HSDL2: variants seen among roughly 807,000 people sequenced by gnomAD.
HSDL2 encodes hydroxysteroid dehydrogenase-like protein 2.
A neutral mutation model predicts 46.3 loss-of-function variants in HSDL2; 27 were observed. That is an observed-to-expected ratio of 0.58 (90% CI 0.43 to 0.80). HSDL2 has a LOEUF of 0.80. Among genes scored for constraint, HSDL2 ranks in the 30% least tolerant of loss-of-function variants. The pLI, the probability that HSDL2 is intolerant of heterozygous loss-of-function variation, is 0.00. For synonymous variants in HSDL2, 153 were observed against 163.6 expected (o/e 0.94, Z 0.50); for missense variants, 451 against 502.7 (o/e 0.90, Z 0.98).
At chr9:112,397,957 C>T (rs529432128) in intron 1 of HSDL2, among the ~76,000 whole-genome samples, 2 of 152,266 alleles carry the variant, frequency 1.3e-5, no homozygotes, top group African/African-American at 4.8e-5. Flanking sequence ...GCCGACACCT[C>T]TAATCCACTT....
chr9:112,448,468 A>G (rs1056958863), intron 8 of HSDL2, among the ~76,000 whole-genome samples: 43 of 152,280 alleles, frequency 2.8e-4, no homozygotes, highest in Non-Finnish European at 6.0e-4. Context: ...TACATTTTAA[A>G]TATGGTAAAT....
intron 9 of HSDL2, among the ~76,000 whole-genome samples, chr9:112,457,386 G>C (rs1049534845): frequency 6.6e-5 from 10 of 152,050 alleles, no homozygotes; most frequent in Non-Finnish European, 2.9e-5. Flanking sequence ...AATTTTAAAC[G>C]TTGCCTGTAA....
At chr9:112,444,673 G>A (rs1832710637) in intron 8 of HSDL2, among the ~76,000 whole-genome samples, 1 of 151,546 alleles carries the variant, frequency 6.6e-6, no homozygotes, top group Non-Finnish European at 1.5e-5. Flanking sequence ...AGGAGTTTGA[G>A]GTTGTAATGA....
intron 4 of HSDL2, among the ~76,000 whole-genome samples, chr9:112,414,251 A>G (rs1163467974): frequency 1.3e-5 from 2 of 152,178 alleles, no homozygotes; most frequent in East Asian, 1.9e-4. Context: ...ATTTATTCCT[A>G]ATTAGACAGG....
intron 10 of HSDL2, among the ~76,000 whole-genome samples, chr9:112,462,172 C>T (rs1047195824): frequency 1.3e-5 from 2 of 152,022 alleles, no homozygotes; most frequent in Non-Finnish European, 2.9e-5. Context: ...ATTATAAATA[C>T]AAAAATTTAG....
At chr9:112,399,282 A>G (rs1028059142) in intron 1 of HSDL2, among the ~76,000 whole-genome samples, 1 of 152,178 alleles carries the variant, frequency 6.6e-6, no homozygotes, top group Non-Finnish European at 1.5e-5. Context: ...AAAGGTTTCA[A>G]AAGGGGAGGG....
At position 112,441,716 on chromosome 9, in the gene HSDL2, G is replaced by T; in HGVS notation, c.811G>T (p.Asp271Tyr). The T allele has an allele frequency of 6.2e-7, 1 of 1,612,882 alleles. No homozygotes were observed. Among genetic ancestry groups the T allele is most frequent in the South Asian group, 1.1e-5 (1 of 91,038 alleles). ...AIKPGHPLQP[D>Y]FFLDEYPEAV... ...TTTTTCAGGTCATCCTTTGCAACCA[G>T]ATTTCTTCTTAGATGAATACCCAGA... The change falls in exon 8 of 11, where the codon GAT becomes TAT. Residue 271 changes from aspartate (D) to tyrosine (Y), a missense_variant. Physicochemically the swap from Asp to Tyr is radical, Grantham distance 160. Coordinates refer to ENST00000398805, the MANE Select transcript of HSDL2 (RefSeq NM_032303.5).
At chr9:112,454,372 G>A (rs1832964299) in intron 9 of HSDL2, among the ~76,000 whole-genome samples, 1 of 152,160 alleles carries the variant, frequency 6.6e-6, no homozygotes, top group African/African-American at 2.4e-5. Flanking sequence ...TTGTCACCCA[G>A]GCTGGAGAGC....
At chr9:112,416,024 G>A (rs542106587) in intron 4 of HSDL2, among the ~76,000 whole-genome samples, 42 of 151,830 alleles carry the variant, frequency 2.8e-4, no homozygotes, top group Middle Eastern at 3.4e-3. Flanking sequence ...CAGGAGAATG[G>A]CATGAACCCG....
At chr9:112,459,724 C>T (rs1377105492) in intron 10 of HSDL2, 147 bp downstream of exon 10, 7 of 624,502 alleles carry the variant, frequency 1.1e-5, no homozygotes, top group African/African-American at 9.2e-5. Context: ...TTACTGTTGC[C>T]TCCATTGCCA....
intron 6 of HSDL2, among the ~76,000 whole-genome samples, chr9:112,433,146 C>G (rs1243789088): frequency 6.6e-6 from 1 of 152,048 alleles, no homozygotes; most frequent in Non-Finnish European, 1.5e-5. Context: ...AGTAGGTAAA[C>G]AATTGAAATG....
chr9:112,402,620 A>T (rs1564108577), intron 1 of HSDL2, among the ~76,000 whole-genome samples: 2 of 151,340 alleles, frequency 1.3e-5, no homozygotes, highest in East Asian at 1.9e-4. Flanking sequence ...ATCTCCATTT[A>T]AAAAAAGCAA....
chr9:112,454,943 C>A (rs1832981431), intron 9 of HSDL2, among the ~76,000 whole-genome samples: 1 of 151,850 alleles, frequency 6.6e-6, no homozygotes, highest in Non-Finnish European at 1.5e-5. Flanking sequence ...TAGCCTCAAG[C>A]AATCCTCCTG....
chr9:112,385,910 G>A (rs1003504125), intron 1 of HSDL2, among the ~76,000 whole-genome samples: 12 of 151,932 alleles, frequency 7.9e-5, no homozygotes, highest in Non-Finnish European at 2.9e-5. Flanking sequence ...ACAGGTGTTA[G>A]GCACCATGCC....
chr9:112,412,250 T>A (rs1405185576), intron 4 of HSDL2, among the ~76,000 whole-genome samples: 1 of 151,924 alleles, frequency 6.6e-6, no homozygotes, highest in African/African-American at 2.4e-5. Context: ...CACCTAGGTA[T>A]ATGGCGTCAG....
chr9:112,443,645 C>T (rs1200360737), intron 8 of HSDL2, among the ~76,000 whole-genome samples: 1 of 152,134 alleles, frequency 6.6e-6, no homozygotes, highest in African/African-American at 2.4e-5. Flanking sequence ...CAGGAGGATC[C>T]CTTGAGCTCA....
At chr9:112,424,289 C>T (rs2132651492) in intron 6 of HSDL2, among the ~76,000 whole-genome samples, 1 of 149,616 alleles carries the variant, frequency 6.7e-6, no homozygotes, top group African/African-American at 2.4e-5. Flanking sequence ...CCACTGCACT[C>T]CAGCCGGGGC....
At chr9:112,442,141 A>AGACTG (rs1832652204) in intron 8 of HSDL2, among the ~76,000 whole-genome samples, 1 of 151,678 alleles carries the variant, frequency 6.6e-6, no homozygotes, top group African/African-American at 2.4e-5. Flanking sequence ...TGGTGGCACG[A>AGACTG]GACTGTAGTC....
rs778879021 is a variant in HSDL2 at position 112,404,135 on chromosome 9, C to T, written c.158C>T (p.Thr53Ile). The change falls in exon 2 of 11, where the codon ACA becomes ATA. Residue 53 changes from threonine to isoleucine, a missense_variant. Physicochemically the swap from Thr to Ile is moderately conservative, Grantham distance 89 (BLOSUM62 -1). Transcript: ENST00000398805. ...TAQPHPKLLG[T>I]IYTAAEEIEA... ...CAGCCACATCCAAAACTTCTAGGCACAATCTATACTGCTGCTGAAGAAAGT... is the reference window on the plus strand; with the variant it reads ...CAGCCACATCCAAAACTTCTAGGCATAATCTATACTGCTGCTGAAGAAAGT... 5.0e-6 allele frequency: 8 copies of T among 1,614,094 alleles called. No individual in the cohort carries two copies. The highest frequency in any genetic ancestry group is 3.3e-5 in the South Asian group (3 of 91,074).
Sources: gnomAD v4.1 joint callset for allele counts (sites outside exome capture counted in the v4.1 genomes callset) on GRCh38, gnomAD v4.1.1 for gene constraint, MANE v1.5 for transcripts, NCBI Gene and HGNC (gene_info 2026-07-23, HGNC 2026-07-21) for gene names.